Variants in RALA observed in about 807,000 individuals in gnomAD.
The protein encoded by RALA is RAS like proto-oncogene A.
In RALA, 5 loss-of-function variants were observed where a neutral mutation model predicts 24.0. That is an observed-to-expected ratio of 0.21 (90% CI 0.11 to 0.44). The LOEUF is 0.44. RALA is among the 20% of genes least tolerant of loss of function. The pLI, the probability that RALA is intolerant of heterozygous loss-of-function variation, is 0.99. For missense variants in RALA, 95 were observed against 241.2 expected, an observed-to-expected ratio of 0.39 and a Z score of 4.01; for synonymous variants, 77 against 83.8, an observed-to-expected ratio of 0.92 and a Z score of 0.44.
chr7:39,633,667 G>C (rs1341865230), intron 1 of RALA, among the ~76,000 whole-genome samples: 1 of 152,080 alleles, frequency 6.6e-6, no homozygotes, highest in Non-Finnish European at 1.5e-5. Context: ...TTATCCACTG[G>C]GGGGTAATCC....
chr7:39,678,966 T>A (rs1026126667), intron 1 of RALA, among the ~76,000 whole-genome samples: 44 of 151,598 alleles, frequency 2.9e-4, no homozygotes, highest in African/African-American at 7.7e-4. Flanking sequence ...GTTACCATTT[T>A]AAAAAAAAAT....
At chr7:39,633,716 A>T (rs1791637321) in intron 1 of RALA, among the ~76,000 whole-genome samples, 1 of 152,170 alleles carries the variant, frequency 6.6e-6, no homozygotes, top group African/African-American at 2.4e-5. Flanking sequence ...ACAAGTGTGT[A>T]AGGCCTGGGA....
chr7:39,685,364 G>T (rs922894567), intron 1 of RALA, among the ~76,000 whole-genome samples: 2 of 152,350 alleles, frequency 1.3e-5, no homozygotes, highest in Middle Eastern at 3.4e-3. Context: ...ATTGGCCCAA[G>T]ATAGAGAGGT....
intron 1 of RALA, among the ~76,000 whole-genome samples, chr7:39,657,757 A>G (rs1427298079): frequency 8.5e-5 from 7 of 82,512 alleles, no homozygotes; most frequent in Admixed American, 5.8e-4. Context: ...GCCTGTCTCC[A>G]CAAAAAAAGA....
At chr7:39,643,389 T>C (rs977476331) in intron 1 of RALA, among the ~76,000 whole-genome samples, 2 of 152,138 alleles carry the variant, frequency 1.3e-5, no homozygotes, top group African/African-American at 4.8e-5. Context: ...ACATAGGCAG[T>C]AGTGATCAGC....
At chr7:39,681,298 ATTCCTTTTTTTTT>A (rs1174921096) in intron 1 of RALA, among the ~76,000 whole-genome samples, 1 of 53,502 alleles carries the variant, frequency 1.9e-5, no homozygotes, top group Non-Finnish European at 4.1e-5. Context: ...AACCCACCCT[ATTCCTTTTTTTTT>A]TTTTTTTTTT....
At chr7:39,635,722 C>A (rs1791675366) in intron 1 of RALA, among the ~76,000 whole-genome samples, 1 of 152,166 alleles carries the variant, frequency 6.6e-6, no homozygotes, top group Non-Finnish European at 1.5e-5. Context: ...CTAGATTGCT[C>A]AGGTGCACAG....
intron 3 of RALA, among the ~76,000 whole-genome samples, chr7:39,694,888 G>A (rs1792890936): frequency 2.7e-5 from 4 of 150,436 alleles, no homozygotes; most frequent in South Asian, 2.1e-4. Flanking sequence ...ACAAAAAAAA[G>A]AAAAAAAGAA....
At chr7:39,630,812 C>T (rs551977431) in intron 1 of RALA, among the ~76,000 whole-genome samples, 1 of 151,766 alleles carries the variant, frequency 6.6e-6, no homozygotes, top group Non-Finnish European at 1.5e-5. Context: ...TATTTTTTTT[C>T]TATTGGATTA....
In RALA at chr7:39,706,228, A is replaced by G; in HGVS notation, c.604A>G (p.Arg202Gly). 1.2e-6 allele frequency: 2 copies of G among 1,608,368 alleles called. No homozygotes were observed. The highest frequency in any genetic ancestry group is 1.1e-5 in the South Asian group (1 of 89,856). Reference sequence around the variant, plus strand: ...AAGTTTAGCCAAGAGAATCAGAGAAAGATGCTGCATTTTATAATCAAAGCC... The same window carrying G: ...AAGTTTAGCCAAGAGAATCAGAGAAGGATGCTGCATTTTATAATCAAAGCC... ...RKSLAKRIRE[R>G]CCIL The change falls in exon 5 of 5, where the codon AGA becomes GGA. Residue 202 changes from arginine to glycine, a missense_variant. Transcript: ENST00000005257.
chr7:39,704,159 CAAAA>C (rs796540060), intron 4 of RALA, among the ~76,000 whole-genome samples: 66 of 116,960 alleles, frequency 5.6e-4, no homozygotes, highest in Middle Eastern at 4.8e-3. Context: ...GAGACTCTCT[CAAAA>C]AAAAAAAAAA....
chr7:39,646,458 C>CA (rs1004007576), intron 1 of RALA, among the ~76,000 whole-genome samples: 2 of 152,154 alleles, frequency 1.3e-5, no homozygotes, highest in African/African-American at 4.8e-5. Flanking sequence ...CCCATTTATA[C>CA]AAAAAATTTT....
intron 3 of RALA, 69 bp from the exon 4 acceptor site, chr7:39,696,615 TG>T (rs746896708): frequency 9.4e-5 from 118 of 1,260,658 alleles, no homozygotes; most frequent in Non-Finnish European, 1.2e-4. Context: ...AAAATAGGTA[TG>T]GGGCAAACAA....
intron 3 of RALA, among the ~76,000 whole-genome samples, chr7:39,696,371 G>A (rs1337048242): frequency 6.6e-6 from 1 of 152,126 alleles, no homozygotes; most frequent in East Asian, 1.9e-4. Context: ...AACTATTAAG[G>A]TCATCAAAAA....
chr7:39,659,507 G>T (rs906898790), intron 1 of RALA, among the ~76,000 whole-genome samples: 7 of 151,932 alleles, frequency 4.6e-5, no homozygotes, highest in Non-Finnish European at 8.8e-5. Context: ...GTTAACAGTA[G>T]TGAGCAGGCT....
chr7:39,686,205 C>CAA (rs35214885), intron 1 of RALA, among the ~76,000 whole-genome samples: 12,648 of 92,800 alleles, frequency 0.14, 898 homozygotes, highest in Middle Eastern at 0.2. Flanking sequence ...GACTCCGTCT[C>CAA]AAAAAAAAAA....
At chr7:39,656,282 A>G (rs1000603081) in intron 1 of RALA, among the ~76,000 whole-genome samples, 12 of 152,194 alleles carry the variant, frequency 7.9e-5, no homozygotes, top group African/African-American at 2.9e-4. Flanking sequence ...CAGAGTATTT[A>G]GTCTACTGGA....
chr7:39,630,817 G>A (rs1791585268), intron 1 of RALA, among the ~76,000 whole-genome samples: 1 of 151,644 alleles, frequency 6.6e-6, no homozygotes, highest in South Asian at 2.1e-4. Context: ...TTTTTCTATT[G>A]GATTATCTCA....
intron 1 of RALA, among the ~76,000 whole-genome samples, chr7:39,653,096 C>A (rs1792045272): frequency 6.6e-6 from 1 of 151,806 alleles, no homozygotes; most frequent in South Asian, 2.1e-4. Flanking sequence ...GTGGTGCGAT[C>A]TCGGCTCACT....
Sources: gnomAD v4.1 joint callset for allele counts (sites outside exome capture counted in the v4.1 genomes callset) on GRCh38, gnomAD v4.1.1 for gene constraint, MANE v1.5 for transcripts, NCBI Gene and HGNC (gene_info 2026-07-23, HGNC 2026-07-21) for gene names.